The following POU2AF3 variants were observed in gnomAD, a reference collection of about 807,000 sequenced individuals.
The protein encoded by POU2AF3 is cancer susceptibility candidate 13.
the POU2AF3 span, chr11:111,308,518 C>A: frequency 1.5e-6 from 2 of 1,348,940 alleles, no homozygotes; most frequent in Admixed American, 2.7e-5. Context: ...AAATATGCAA[C>A]TTGGTAACAC....
chr11:111,300,461 G>A, the POU2AF3 span: 13 of 723,770 alleles, frequency 1.8e-5, no homozygotes, highest in Non-Finnish European at 2.3e-5. Context: ...TATAAAAGGG[G>A]CCCCCACTCT....
At chr11:111,301,631 T>G in the POU2AF3 span, among the ~76,000 whole-genome samples, 1 of 152,208 alleles carries the variant, frequency 6.6e-6, no homozygotes, top group Non-Finnish European at 1.5e-5. Context: ...TGGGCTCAGA[T>G]CTCAGTTCCT....
At chr11:111,299,746 G>A in the POU2AF3 span, 2 of 1,228,230 alleles carry the variant, frequency 1.6e-6, no homozygotes, top group Non-Finnish European at 2.0e-6. Flanking sequence ...GGGGAAGAAG[G>A]GGAGAGTAGG....
At chr11:111,301,630 A>C in the POU2AF3 span, among the ~76,000 whole-genome samples, 1 of 152,158 alleles carries the variant, frequency 6.6e-6, no homozygotes, top group Non-Finnish European at 1.5e-5. Context: ...CTGGGCTCAG[A>C]TCTCAGTTCC....
At chr11:111,305,298 T>A in the POU2AF3 span, among the ~76,000 whole-genome samples, 1 of 152,194 alleles carries the variant, frequency 6.6e-6, no homozygotes. Context: ...GGAACTTATC[T>A]TTTTTTAGTG....
the POU2AF3 span, chr11:111,298,713 C>T: frequency 1.2e-4 from 133 of 1,105,916 alleles, no homozygotes; most frequent in Middle Eastern, 1.7e-3. Flanking sequence ...GAGTAAGGGC[C>T]GGGGATCCGG....
chr11:111,302,029 A>G, the POU2AF3 span, among the ~76,000 whole-genome samples: 2 of 152,220 alleles, frequency 1.3e-5, no homozygotes, highest in Non-Finnish European at 2.9e-5. Context: ...TTACATTTCT[A>G]GAGGACTTCA....
the POU2AF3 span, among the ~76,000 whole-genome samples, chr11:111,303,911 C>T: frequency 1.3e-5 from 2 of 151,486 alleles, no homozygotes; most frequent in Non-Finnish European, 2.9e-5. Context: ...AAAAAAAATC[C>T]TAAATTACTC....
At chr11:111,306,408 C>G in the POU2AF3 span, 1 of 1,459,242 alleles carries the variant, frequency 6.9e-7, no homozygotes, top group African/African-American at 1.4e-5. Context: ...GTATTTTGAG[C>G]CTGAACCAAT....
At chr11:111,298,559 C>T in the POU2AF3 span, 4 of 1,246,502 alleles carry the variant, frequency 3.2e-6, no homozygotes, top group Non-Finnish European at 4.0e-6. Flanking sequence ...ATCCAGCCAC[C>T]GACCCAGCTC....
At chr11:111,298,828 CCCCG>C in the POU2AF3 span, 13 of 410,932 alleles carry the variant, frequency 3.2e-5, no homozygotes, top group South Asian at 1.3e-4. Flanking sequence ...TACCCCAGGC[CCCCG>C]CCCGCCCTCC....
chr11:111,307,623 A>G, the POU2AF3 span, among the ~76,000 whole-genome samples: 1 of 152,340 alleles, frequency 6.6e-6, no homozygotes, highest in East Asian at 1.9e-4. Context: ...TATGCCAGGG[A>G]TACTCCAAGA....
the POU2AF3 span, among the ~76,000 whole-genome samples, chr11:111,307,862 G>A: frequency 2.6e-4 from 40 of 152,232 alleles, no homozygotes; most frequent in African/African-American, 9.2e-4. Context: ...TGTTTGGAAA[G>A]AAATAGGTAA....
At chr11:111,298,885 T>C in the POU2AF3 span, 2 of 1,109,556 alleles carry the variant, frequency 1.8e-6, no homozygotes, top group East Asian at 4.7e-5. Flanking sequence ...GTGCGGACCC[T>C]GCGCGCCCAG....
At chr11:111,298,943 G>C in the POU2AF3 span, 2 of 1,039,390 alleles carry the variant, frequency 1.9e-6, no homozygotes, top group Non-Finnish European at 2.3e-6. Flanking sequence ...CTGGGACGGG[G>C]GCAGAGCGCA....
the POU2AF3 span, chr11:111,308,059 A>AC: frequency 2.0e-6 from 3 of 1,476,716 alleles, no homozygotes; most frequent in Non-Finnish European, 2.7e-6. Flanking sequence ...CTTGGTTGTC[A>AC]TTTCTCTAGA....
the POU2AF3 span, among the ~76,000 whole-genome samples, chr11:111,302,692 A>G: frequency 6.6e-6 from 1 of 152,250 alleles, no homozygotes; most frequent in African/African-American, 2.4e-5. Context: ...GAACAGGCAG[A>G]GTAAAGCCTG....
the POU2AF3 span, chr11:111,308,056 G>C: frequency 2.0e-6 from 3 of 1,476,294 alleles, no homozygotes; most frequent in Middle Eastern, 3.6e-4. Context: ...TTTCTTGGTT[G>C]TCATTTCTCT....
the POU2AF3 span, chr11:111,308,400 A>ATC: frequency 6.4e-7 from 1 of 1,551,364 alleles, no homozygotes; most frequent in Non-Finnish European, 8.7e-7. Context: ...AGTGATTTCT[A>ATC]TAAGAGGGAA....
Sources: gnomAD v4.1 joint callset for allele counts (sites outside exome capture counted in the v4.1 genomes callset) on GRCh38, gnomAD v4.1.1 for gene constraint, MANE v1.5 for transcripts, NCBI Gene and HGNC (gene_info 2026-07-23, HGNC 2026-07-21) for gene names.